The following EYS variants were observed in gnomAD, a reference collection of about 807,000 sequenced individuals.
EYS encodes EGF-like photoreceptor maintenance factor, also known as protein eyes shut homolog.
Under a neutral mutation model 282.1 loss-of-function variants are expected in EYS, and 250 were observed. The ratio of observed to expected loss-of-function variants is 0.89; its 90% CI spans 0.80 to 0.98. The LOEUF is 0.98. Among genes scored for constraint, EYS ranks in the 50% least tolerant of loss-of-function variants. The pLI, the probability that EYS is intolerant of heterozygous loss-of-function variation, is 0.00. For synonymous variants in EYS, 1,355 were observed against 1,282.9 expected (o/e 1.06, Z -1.20); for missense variants, 4,016 against 3,709.0 (o/e 1.08, Z -2.15).
intron 28 of EYS, chr6:64,412,582 G>A (rs2150444831): frequency 6.6e-6 from 1 of 152,192 alleles, no homozygotes; most frequent in Non-Finnish European, 1.5e-5. Flanking sequence ...AATAGTAAAA[G>A]TTGATGTCTA....
intron 19 of EYS, among the ~76,000 whole-genome samples, chr6:64,864,050 C>T (rs1766334426): frequency 6.6e-6 from 1 of 152,088 alleles, no homozygotes; most frequent in Non-Finnish European, 1.5e-5. Flanking sequence ...TTGTGTCACA[C>T]ATCAGTTTGT....
chr6:65,326,565 T>C (rs1769628362), intron 11 of EYS, among the ~76,000 whole-genome samples: 1 of 151,562 alleles, frequency 6.6e-6, no homozygotes, highest in East Asian at 1.9e-4. Context: ...TTTCAACTTT[T>C]ATCCTTTTTA....
intron 26 of EYS, among the ~76,000 whole-genome samples, chr6:64,519,179 C>T (rs1231737287): frequency 6.6e-6 from 1 of 151,660 alleles, no homozygotes; most frequent in Non-Finnish European, 1.5e-5. Flanking sequence ...TGCTCTCATC[C>T]TCCAGGAGAT....
rs192208997 is a variant in EYS, at chr6:65,490,510, G to A, written c.862+84C>T. 5.0e-6 allele frequency: 4 copies of A among 800,162 alleles called. No individual in the cohort carries two copies. The African/African-American group carries it at 6.9e-5, about 14-fold the overall frequency. The allele number at this position is 800,162 out of a possible 1,614,324, so 49.6% of individuals were successfully genotyped here. The stretch of plus-strand genomic sequence containing the variant: ...TGAAATTGTATTTTTCAATAATAAA[G>A]GAAATATTTCACATTTAATTTGAAA... On this transcript the variant is annotated intron_variant, in intron 5 of 42. Coordinates refer to ENST00000503581, the MANE Select transcript of EYS (RefSeq NM_001142800.2).
rs1218274693 is a variant in EYS, at chr6:64,439,264, A to C, written c.5733T>G (p.Phe1911Leu). ...LNPQNNISLEFQTFSSYGLLL... is the reference protein window; with the variant it reads ...LNPQNNISLELQTFSSYGLLL... ...GAAGTCCATAGGAGCTGAAGGTCTG[A>C]AATTCTAGGGAGATGTTATTTTGTG... Residue 1911 changes from phenylalanine to leucine, a missense_variant, in exon 27 of 43, where the codon TTT becomes TTG. By Grantham distance (22) the Phe-to-Leu change is conservative. Transcript: ENST00000503581. 24 of 1,517,296 alleles carry C rather than the reference A, an allele frequency of 1.6e-5. No homozygotes were observed. Among genetic ancestry groups the C allele is most frequent in the Non-Finnish European group, 2.0e-5 (23 of 1,132,484 alleles). 94.0% of individuals were successfully genotyped at this position (1,517,296 alleles called of 1,614,324 possible).
intron 14 of EYS, among the ~76,000 whole-genome samples, chr6:64,984,859 T>C (rs1366356718): frequency 1.3e-5 from 2 of 151,566 alleles, no homozygotes; most frequent in African/African-American, 4.8e-5. Flanking sequence ...AATAAAAGTT[T>C]CTTTCTTAGC....
intron 22 of EYS, among the ~76,000 whole-genome samples, chr6:64,702,605 T>G (rs753911089): frequency 6.6e-6 from 1 of 152,146 alleles, no homozygotes; most frequent in Non-Finnish European, 1.5e-5. Context: ...AGTTCTCCTG[T>G]GTAATAACTG....
At chr6:64,394,617 T>A (rs1429164313) in intron 28 of EYS, among the ~76,000 whole-genome samples, 3 of 151,834 alleles carry the variant, frequency 2.0e-5, no homozygotes, top group African/African-American at 7.3e-5. Flanking sequence ...TTACACCTTA[T>A]ACAAAAATCA....
At chr6:65,637,927 C>G (rs1724340704) in intron 2 of EYS, among the ~76,000 whole-genome samples, 1 of 152,160 alleles carries the variant, frequency 6.6e-6, no homozygotes, top group Non-Finnish European at 1.5e-5. Flanking sequence ...CAGACAGGCC[C>G]TCGGGTGGAA....
At chr6:64,654,590 G>C (rs1233958113) in intron 22 of EYS, among the ~76,000 whole-genome samples, 1 of 152,148 alleles carries the variant, frequency 6.6e-6, no homozygotes, top group East Asian at 1.9e-4. Flanking sequence ...TGTATAGAAT[G>C]ATTAAAAATA....
At chr6:64,988,200 C>T (rs77016604) in intron 14 of EYS, among the ~76,000 whole-genome samples, 1 of 151,284 alleles carries the variant, frequency 6.6e-6, no homozygotes, top group East Asian at 1.9e-4. Context: ...ATAAGATTCA[C>T]TTGGACTTAG....
At chr6:65,576,769 C>T (rs354348) in intron 2 of EYS, among the ~76,000 whole-genome samples, 99,178 of 151,622 alleles carry the variant, frequency 0.65, 34,123 homozygotes, top group African/African-American at 0.88. Context: ...TTAGTGTTTC[C>T]ATGCACTAAC....
At chr6:64,215,577 AT>A (rs1331288915) in intron 31 of EYS, among the ~76,000 whole-genome samples, 3 of 151,996 alleles carry the variant, frequency 2.0e-5, no homozygotes, top group Non-Finnish European at 4.4e-5. Context: ...ATATTTTTTC[AT>A]TTTTTCCCTA....
rs1197545185 is a variant in EYS at position 65,215,293 on chromosome 6, T to A, written c.2023+80570A>T. ...GTCAAATTATCAATATTAACAGGAG[T>A]TTAAAAGAGGTTAATTTCAATCATT... On this transcript the variant is annotated intron_variant, in intron 12 of 42. Transcript: ENST00000503581. Among the ~76,000 whole-genome samples the A allele has an allele frequency of 2.6e-5, 4 of 151,570 alleles. No homozygotes were observed. The East Asian group carries it at 7.8e-4, about 29-fold the overall frequency.
chr6:65,504,785 C>G (rs945953687), intron 2 of EYS, among the ~76,000 whole-genome samples: 3 of 151,178 alleles, frequency 2.0e-5, no homozygotes, highest in Non-Finnish European at 4.4e-5. Flanking sequence ...AATTATTATT[C>G]TTTTTACTTA....
intron 31 of EYS, among the ~76,000 whole-genome samples, chr6:64,094,588 G>A (rs1308401965): frequency 6.6e-6 from 1 of 152,116 alleles, no homozygotes; most frequent in East Asian, 1.9e-4. Flanking sequence ...ATTTCTGTGG[G>A]ATCTGTGGTG....
At chr6:64,329,037 G>A (rs907470664) in intron 29 of EYS, among the ~76,000 whole-genome samples, 11 of 152,094 alleles carry the variant, frequency 7.2e-5, no homozygotes, top group African/African-American at 1.9e-4. Flanking sequence ...GGATTTAATC[G>A]GACTGGCAGG....
At chr6:65,547,718 T>C (rs1447794269) in intron 2 of EYS, among the ~76,000 whole-genome samples, 2 of 152,204 alleles carry the variant, frequency 1.3e-5, no homozygotes, top group Non-Finnish European at 2.9e-5. Flanking sequence ...ATTGTCTGTA[T>C]CTTTTGGAAT....
intron 1 of EYS, among the ~76,000 whole-genome samples, chr6:65,693,435 C>G (rs1180393853): frequency 7.3e-6 from 1 of 137,866 alleles, no homozygotes; most frequent in Admixed American, 7.6e-5. Flanking sequence ...AAGTCTTGGG[C>G]CATAGTTACA....
Sources: allele counts gnomAD v4.1 joint callset (sites outside exome capture counted in the v4.1 genomes callset), GRCh38; gene constraint gnomAD v4.1.1; transcripts MANE v1.5; gene names NCBI Gene and HGNC (gene_info 2026-07-23, HGNC 2026-07-21).